The following CATSPERB variants were observed in gnomAD, a reference collection of about 807,000 sequenced individuals.
The protein encoded by CATSPERB is cation channel sperm-associated auxiliary subunit beta.
Under a neutral mutation model 128.3 loss-of-function variants are expected in CATSPERB, and 93 were observed. The observed-to-expected ratio is 0.72, with a 90% CI of 0.61 to 0.86. The LOEUF is 0.86. CATSPERB is among the 40% of genes least tolerant of loss of function. The pLI is 0.00. For synonymous variants in CATSPERB, 381 were observed against 448.8 expected (o/e 0.85, Z 1.91); for missense variants, 1,153 against 1,329.5 (o/e 0.87, Z 2.06).
intron 26 of CATSPERB, 41 bp downstream of exon 26, chr14:91,587,161 C>A: frequency 6.7e-7 from 1 of 1,481,966 alleles, no homozygotes; most frequent in Admixed American, 2.1e-5. Context: ...ATGTTTTTTC[C>A]CCAGCCATCA....
rs371275992 is a variant in CATSPERB, at chr14:91,669,883, T to A, written c.1218A>T (p.Ser406=). 16 of 1,613,788 alleles carry A rather than the reference T, an allele frequency of 9.9e-6. No individual in the cohort carries two copies. The highest frequency in any genetic ancestry group is 1.4e-5 in the Non-Finnish European group (16 of 1,179,990). Residue 406 remains serine (S), a synonymous_variant, in exon 14 of 27, where the codon TCA becomes TCT. Transcript: ENST00000256343. ...CCATTCCAACGGGAGAAGAGAATGA[T>A]GAAGGAAACCGAAAAATTGGAAATT... ...QSKFPIFRFP[S]SFSSPVGMVF... is the part of the protein sequence containing the mutation.
Position 91,608,284 on chromosome 14 carries a change from A to T in CATSPERB, c.2709+10T>A, listed in dbSNP as rs1291432183. The stretch of plus-strand genomic sequence containing the variant: ...ATAAGTGCTAGATTATTTGTAAAAA[A>T]GTTATTTACCTTTGACATGTGAAAC... On this transcript the variant is annotated intron_variant, in intron 22 of 26. Coordinates refer to ENST00000256343, the MANE Select transcript of CATSPERB (RefSeq NM_024764.4). 1.3e-6 allele frequency: 2 copies of T among 1,525,800 alleles called. No individual in the cohort carries two copies. Among genetic ancestry groups the T allele is most frequent in the Non-Finnish European group, 9.1e-7 (1 of 1,103,634 alleles). 94.5% of individuals were successfully genotyped at this position (1,525,800 alleles called of 1,614,324 possible). A position where few individuals can be genotyped will look rare whatever the true frequency, so the allele number is the denominator to read the frequency against.
At position 91,627,991 on chromosome 14, in the gene CATSPERB, AT is replaced by A. The variant is rs765817944; in HGVS notation, c.1743-2985del. ...AGAATCTGTCTCTAAAAAGAAAAAA[AT>A]ATATATTTATATAGTCTAGAGTTAT... On this transcript the variant is annotated intron_variant, in intron 17 of 26. Coordinates refer to ENST00000256343, the MANE Select transcript of CATSPERB (RefSeq NM_024764.4). Among the ~76,000 whole-genome samples the A allele has an allele frequency of 1.1e-4, 16 of 152,318 alleles. No homozygotes were observed. The East Asian group carries it at 2.5e-3, about 24-fold the overall frequency.
chr14:91,597,618 T>G (rs192081833), intron 22 of CATSPERB, among the ~76,000 whole-genome samples: 58 of 152,280 alleles, frequency 3.8e-4, no homozygotes, highest in African/African-American at 1.3e-3. Flanking sequence ...TGAACTTATT[T>G]TATCTTTCAA....
intron 3 of CATSPERB, among the ~76,000 whole-genome samples, chr14:91,724,094 TA>T (rs1165214840): frequency 6.6e-6 from 1 of 152,178 alleles, no homozygotes; most frequent in Non-Finnish European, 1.5e-5. Context: ...AACTTTTTTT[TA>T]AAATGCCTGA....
intron 17 of CATSPERB, among the ~76,000 whole-genome samples, chr14:91,629,966 C>T (rs1894244440): frequency 6.6e-6 from 1 of 152,170 alleles, no homozygotes; most frequent in Non-Finnish European, 1.5e-5. Context: ...TATCATCAAA[C>T]TAAGCTACCT....
At chr14:91,637,644 G>A (rs76358436) in intron 16 of CATSPERB, among the ~76,000 whole-genome samples, 2,048 of 152,214 alleles carry the variant, frequency 0.013, 43 homozygotes, top group African/African-American at 0.044. Flanking sequence ...GGAATAAATC[G>A]TCGTTATAAA....
In CATSPERB at chr14:91,604,695, G is replaced by T. The variant is rs1351906840; in HGVS notation, c.2709+3599C>A. On this transcript the variant is annotated intron_variant, in intron 22 of 26. Transcript: ENST00000256343. The stretch of plus-strand genomic sequence containing the variant: ...CTCCAGGACTGGATGTTCTGGGTCT[G>T]GTTGCTCCAGGTTGAATTGTTCCAG... 3.7e-6 allele frequency: 6 copies of T among 1,613,204 alleles called. No individual in the cohort carries two copies. In the African/African-American group the frequency reaches 5.3e-5, roughly 14 times the overall value.
At chr14:91,682,927 C>T (rs1447467168) in intron 11 of CATSPERB, among the ~76,000 whole-genome samples, 1 of 152,152 alleles carries the variant, frequency 6.6e-6, no homozygotes, top group Non-Finnish European at 1.5e-5. Flanking sequence ...TAAAGTGGCA[C>T]TAGTGCATTA....
intron 16 of CATSPERB, 98 bp from the exon 17 acceptor site, chr14:91,636,677 C>T: frequency 9.7e-7 from 1 of 1,033,954 alleles, no homozygotes. Flanking sequence ...CACATTAAAA[C>T]AATACTGGTT....
At chr14:91,644,084 T>C (rs1894546704) in intron 15 of CATSPERB, among the ~76,000 whole-genome samples, 1 of 137,644 alleles carries the variant, frequency 7.3e-6, no homozygotes, top group South Asian at 2.6e-4. Context: ...TCCATCTTTT[T>C]ATTTTGAGCC....
At chr14:91,682,598 G>T (rs1895301817) in intron 11 of CATSPERB, among the ~76,000 whole-genome samples, 1 of 152,150 alleles carries the variant, frequency 6.6e-6, no homozygotes, top group Admixed American at 6.5e-5. Flanking sequence ...CCTTTGATTG[G>T]ACTGGCAGAT....
chr14:91,716,428 A>C lies in CATSPERB; in HGVS notation c.370+2990T>G, dbSNP rs577867735. On this transcript the variant is annotated intron_variant, in intron 5 of 26. Coordinates refer to ENST00000256343, the MANE Select transcript of CATSPERB (RefSeq NM_024764.4). Reference sequence around the variant, plus strand: ...CCTGTTTCTACTAAAAATACAAAAAATTAGCCGGGCCTGGTGGTGCGTATC... The same window carrying C: ...CCTGTTTCTACTAAAAATACAAAAACTTAGCCGGGCCTGGTGGTGCGTATC... 1.2e-3 allele frequency among the ~76,000 whole-genome samples: 179 copies of C among 152,206 alleles called. 1 individual carries two copies. Among genetic ancestry groups the C allele is most frequent in the African/African-American group, 4.1e-3 (171 of 41,536 alleles).
chr14:91,730,143 G>A (rs916502788), intron 1 of CATSPERB, among the ~76,000 whole-genome samples: 9 of 152,142 alleles, frequency 5.9e-5, no homozygotes, highest in Non-Finnish European at 1.0e-4. Context: ...ACCTCAGAAG[G>A]CAATCATGTT....
intron 14 of CATSPERB, among the ~76,000 whole-genome samples, chr14:91,668,847 C>T (rs947344958): frequency 1.3e-5 from 2 of 152,186 alleles, no homozygotes; most frequent in Admixed American, 6.5e-5. Context: ...CACATCTGAA[C>T]ATCTAAAGGG....
intron 22 of CATSPERB, among the ~76,000 whole-genome samples, chr14:91,607,680 G>A (rs544305056): frequency 6.6e-6 from 1 of 152,086 alleles, no homozygotes; most frequent in Admixed American, 6.5e-5. Flanking sequence ...CCAATTTTAT[G>A]TATTCGTGTA....
At chr14:91,651,787 T>C (rs1894708040) in intron 15 of CATSPERB, among the ~76,000 whole-genome samples, 1 of 152,134 alleles carries the variant, frequency 6.6e-6, no homozygotes, top group Non-Finnish European at 1.5e-5. Flanking sequence ...TTTACAAAGA[T>C]TGTGGGGTGG....
intron 15 of CATSPERB, among the ~76,000 whole-genome samples, chr14:91,646,391 G>A (rs1313754399): frequency 6.6e-6 from 1 of 152,078 alleles, no homozygotes; most frequent in African/African-American, 2.4e-5. Flanking sequence ...TTGTGCCTCC[G>A]AATTGGTCTC....
In CATSPERB at chr14:91,607,781, G is replaced by A. The variant is rs117160856; in HGVS notation, c.2709+513C>T. 8.4e-3 allele frequency among the ~76,000 whole-genome samples: 1,279 copies of A among 152,264 alleles called. 8 individuals carry two copies. Among genetic ancestry groups the A allele is most frequent in the Middle Eastern group, 0.014 (4 of 294 alleles). On this transcript the variant is annotated intron_variant, in intron 22 of 26. Transcript: ENST00000256343. ...CTGGAGAGATTCCACAGGCGTCCAT[G>A]TGGTCTCCTTGAGAAGCTGCCCCAC... is the stretch of plus-strand genomic sequence containing the variant.
Sources: allele counts gnomAD v4.1 joint callset (sites outside exome capture counted in the v4.1 genomes callset), GRCh38; gene constraint gnomAD v4.1.1; transcripts MANE v1.5; gene names NCBI Gene and HGNC (gene_info 2026-07-23, HGNC 2026-07-21).